The following TCF12 variants were observed in gnomAD, a reference collection of about 807,000 sequenced individuals.
The protein encoded by TCF12 is DNA-binding protein HTF4.
TCF12 carries 45 observed loss-of-function variants against 86.0 expected under a neutral mutation model. The ratio of observed to expected loss-of-function variants is 0.52; its 90% CI spans 0.41 to 0.67. The LOEUF (loss-of-function observed/expected upper bound fraction) is 0.67, where lower values mean the gene tolerates loss of function less well. Ranked by LOEUF, TCF12 falls within the 30% of genes least tolerant of loss-of-function variation. The probability of loss-of-function intolerance (pLI) is 0.00; values close to 1 mark genes in which losing one functional copy is unlikely to be tolerated. For synonymous variants in TCF12, 330 were observed against 299.6 expected, an observed-to-expected ratio of 1.10 and a Z score of -1.05; for missense variants, 881 against 859.9, an observed-to-expected ratio of 1.02 and a Z score of -0.31.
chr15:57,022,646 G>A (rs1215745026), intron 3 of TCF12, among the ~76,000 whole-genome samples: 1 of 152,176 alleles, frequency 6.6e-6, no homozygotes, highest in Non-Finnish European at 1.5e-5. Context: ...CGCCACCACT[G>A]TCTTCCACAA....
chr15:57,173,701 A>G (rs1255676219), intron 6 of TCF12, among the ~76,000 whole-genome samples: 1 of 151,750 alleles, frequency 6.6e-6, no homozygotes, highest in Admixed American at 6.6e-5. Flanking sequence ...GAATCCATGT[A>G]TATCTTTTTT....
chr15:57,153,022 A>G (rs2053874379), intron 5 of TCF12, among the ~76,000 whole-genome samples: 1 of 152,250 alleles, frequency 6.6e-6, no homozygotes, highest in African/African-American at 2.4e-5. Context: ...TTTGCAGGCA[A>G]GATGATAGTG....
intron 3 of TCF12, among the ~76,000 whole-genome samples, chr15:56,934,515 G>C (rs763449845): frequency 6.6e-6 from 1 of 152,160 alleles, no homozygotes; most frequent in Non-Finnish European, 1.5e-5. Flanking sequence ...GTCTGCTGAT[G>C]ACGCTGCTGT....
At chr15:57,281,491 GTTA>G (rs2061685798) in intron 19 of TCF12, among the ~76,000 whole-genome samples, 1 of 152,194 alleles carries the variant, frequency 6.6e-6, no homozygotes, top group East Asian at 1.9e-4. Flanking sequence ...CCAGTGGCCT[GTTA>G]CGAACGAACG....
At chr15:57,278,868 T>G (rs1230720791) in intron 19 of TCF12, among the ~76,000 whole-genome samples, 1 of 151,486 alleles carries the variant, frequency 6.6e-6, no homozygotes, top group Non-Finnish European at 1.5e-5. Context: ...TTGTTTTTCT[T>G]TCTTTCTTTT....
chr15:57,189,090 A>G (rs1477240003), intron 6 of TCF12, among the ~76,000 whole-genome samples: 1 of 152,146 alleles, frequency 6.6e-6, no homozygotes, highest in African/African-American at 2.4e-5. Context: ...CGCCTAGCCT[A>G]CAGTAATGAA....
At chr15:56,925,213 A>G (rs1171863122) in intron 3 of TCF12, among the ~76,000 whole-genome samples, 1 of 151,890 alleles carries the variant, frequency 6.6e-6, no homozygotes, top group Non-Finnish European at 1.5e-5. Context: ...AAAAACAAAA[A>G]AAAACCACAA....
intron 3 of TCF12, among the ~76,000 whole-genome samples, chr15:57,061,913 A>G (rs1330336035): frequency 5.3e-5 from 8 of 151,970 alleles, no homozygotes; most frequent in Admixed American, 5.2e-4. Context: ...TGCTTGGAAG[A>G]TAGCTCACTG....
chr15:57,086,679 A>G (rs893609073), intron 4 of TCF12, among the ~76,000 whole-genome samples: 6 of 140,638 alleles, frequency 4.3e-5, no homozygotes, highest in African/African-American at 1.3e-4. Flanking sequence ...AGTAATCTTT[A>G]TTCAAAGAGC....
intron 13 of TCF12, among the ~76,000 whole-genome samples, chr15:57,250,195 G>A (rs2060042721): frequency 6.6e-6 from 1 of 152,074 alleles, no homozygotes; most frequent in African/African-American, 2.4e-5. Flanking sequence ...TACAGTCATG[G>A]GAAATTCATT....
intron 3 of TCF12, among the ~76,000 whole-genome samples, chr15:57,030,318 A>T (rs1189920107): frequency 1.3e-5 from 2 of 152,206 alleles, no homozygotes; most frequent in Non-Finnish European, 2.9e-5. Context: ...AGCTCACTGC[A>T]GCCTGAAACT....
chr15:56,956,826 G>A (rs909157350), intron 3 of TCF12, among the ~76,000 whole-genome samples: 30 of 151,348 alleles, frequency 2.0e-4, no homozygotes, highest in African/African-American at 7.3e-4. Flanking sequence ...CAGATTTTGA[G>A]CAATTTTATT....
chr15:56,918,533 C>G (rs950063804), upstream of TCF12: 2 of 292,780 alleles, frequency 6.8e-6, no homozygotes, highest in East Asian at 1.5e-4. Context: ...CTCCCAGTCC[C>G]CGACAGCTCC....
At chr15:57,173,129 G>T (rs1240289782) in intron 6 of TCF12, among the ~76,000 whole-genome samples, 1 of 151,970 alleles carries the variant, frequency 6.6e-6, no homozygotes, top group Non-Finnish European at 1.5e-5. Flanking sequence ...AACACCAGAT[G>T]TTCAGAAGTT....
intron 5 of TCF12, among the ~76,000 whole-genome samples, chr15:57,126,477 G>T (rs999082029): frequency 6.6e-6 from 1 of 152,138 alleles, no homozygotes; most frequent in Non-Finnish European, 1.5e-5. Context: ...CTCTGTGTCA[G>T]TCCTATTGGA....
At chr15:57,108,512 T>C (rs2050280413) in intron 5 of TCF12, among the ~76,000 whole-genome samples, 1 of 152,164 alleles carries the variant, frequency 6.6e-6, no homozygotes, top group Non-Finnish European at 1.5e-5. Flanking sequence ...AGGAAACTCT[T>C]ACACAATTTC....
chr15:57,168,957 A>G (rs2055104169), intron 6 of TCF12, among the ~76,000 whole-genome samples: 1 of 152,098 alleles, frequency 6.6e-6, no homozygotes, highest in African/African-American at 2.4e-5. Context: ...GAGGCAGGAG[A>G]ATCGCTGGAA....
chr15:57,111,114 T>C (rs529873971), intron 5 of TCF12, among the ~76,000 whole-genome samples: 7 of 152,274 alleles, frequency 4.6e-5, no homozygotes, highest in African/African-American at 1.7e-4. Context: ...GTGATCATAC[T>C]CTGTTCTAGC....
intron 3 of TCF12, among the ~76,000 whole-genome samples, chr15:57,031,229 T>C (rs1166896896): frequency 2.6e-5 from 4 of 152,222 alleles, no homozygotes; most frequent in African/African-American, 9.6e-5. Flanking sequence ...GAATGTTGGC[T>C]CCTGTCAAGT....
Sources: allele counts gnomAD v4.1 joint callset (sites outside exome capture counted in the v4.1 genomes callset), GRCh38; gene constraint gnomAD v4.1.1; transcripts MANE v1.5; gene names NCBI Gene and HGNC (gene_info 2026-07-23, HGNC 2026-07-21).